HPCAL4: variants seen among roughly 807,000 people sequenced by gnomAD.
HPCAL4 encodes the protein hippocalcin-like protein 4.
Under a neutral mutation model 18.2 loss-of-function variants are expected in HPCAL4, and 16 were observed. That is an observed-to-expected ratio of 0.88 (90% CI 0.59 to 1.33). HPCAL4 has a LOEUF of 1.33. Ranked by LOEUF, HPCAL4 falls within the 40% of genes most tolerant of loss-of-function variation. HPCAL4 has a pLI of 0.00. For missense variants in HPCAL4, 214 were observed against 256.6 expected (o/e 0.83, Z 1.14); for synonymous variants, 80 against 97.5 (o/e 0.82, Z 1.06).
chr1:39,686,975 C>T (rs1646680610), intron 1 of HPCAL4, among the ~76,000 whole-genome samples: 1 of 152,204 alleles, frequency 6.6e-6, no homozygotes, highest in Non-Finnish European at 1.5e-5. Flanking sequence ...CAGTGGGCTT[C>T]TAATTCTTAC....
intron 2 of HPCAL4, 25 bp downstream of exon 2, chr1:39,684,417 C>T (rs1408376805): frequency 1.9e-6 from 3 of 1,577,264 alleles, no homozygotes; most frequent in Non-Finnish European, 1.7e-6. Flanking sequence ...ACTTGGCTCC[C>T]TCACACCAGG....
intron 1 of HPCAL4, among the ~76,000 whole-genome samples, chr1:39,684,841 C>A (rs1209205691): frequency 6.6e-6 from 1 of 152,168 alleles, no homozygotes; most frequent in African/African-American, 2.4e-5. Context: ...CCTCACTGAC[C>A]GTGCAGCACG....
chr1:39,688,386 T>A (rs1318862170), intron 1 of HPCAL4, among the ~76,000 whole-genome samples: 1 of 152,210 alleles, frequency 6.6e-6, no homozygotes, highest in African/African-American at 2.4e-5. Context: ...ACCTTCATTT[T>A]TTCCCTTCCC....
chr1:39,687,550 A>G (rs1646685400), intron 1 of HPCAL4, among the ~76,000 whole-genome samples: 1 of 152,102 alleles, frequency 6.6e-6, no homozygotes, highest in Non-Finnish European at 1.5e-5. Context: ...CTCTCACCTT[A>G]TACCCCTTTT....
At chr1:39,685,908 G>T (rs1328977526) in intron 1 of HPCAL4, among the ~76,000 whole-genome samples, 1 of 146,306 alleles carries the variant, frequency 6.8e-6, no homozygotes, top group African/African-American at 2.5e-5. Flanking sequence ...TTGGCCGGGC[G>T]CAGTGGCTCA....
chr1:39,683,072 C>T (rs780376476), intron 3 of HPCAL4, among the ~76,000 whole-genome samples: 1 of 152,030 alleles, frequency 6.6e-6, no homozygotes, highest in Non-Finnish European at 1.5e-5. Flanking sequence ...TTAGTAGAGA[C>T]GGGGTTTCAC....
chr1:39,682,414 G>A lies in HPCAL4; in HGVS notation c.*122C>T. 7 of 833,242 alleles carry A rather than the reference G, an allele frequency of 8.4e-6. No individual in the cohort carries two copies. Among genetic ancestry groups the A allele is most frequent in the Non-Finnish European group, 1.4e-5 (7 of 514,932 alleles). The allele number at this position is 833,242 out of a possible 1,614,324, so 51.6% of individuals were successfully genotyped here. ...GAGGGGAGGAAGGGCTTGGGCAGAG[G>A]ACTGGGTGGGCCAGAGAGGGGGGCT... On this transcript the variant is annotated 3_prime_UTR_variant, in exon 4 of 4. Transcript: ENST00000372844.
chr1:39,688,823 A>C (rs1479185110), intron 1 of HPCAL4, among the ~76,000 whole-genome samples: 1 of 152,152 alleles, frequency 6.6e-6, no homozygotes, highest in Non-Finnish European at 1.5e-5. Flanking sequence ...CCTGGACTAT[A>C]ATCAGTCTTC....
rs1646627364 is a variant in HPCAL4 at position 39,681,637 on chromosome 1, T to C, written c.*899A>G. 6.6e-6 allele frequency: 1 copy of C among 152,220 alleles called. No individual in the cohort carries two copies. The highest frequency in any genetic ancestry group is 2.1e-4 in the South Asian group (1 of 4,834). The allele number at this position is 152,220 out of a possible 1,614,324, so 9.4% of individuals were successfully genotyped here. On this transcript the variant is annotated 3_prime_UTR_variant, in exon 4 of 4. Coordinates refer to ENST00000372844, the MANE Select transcript of HPCAL4 (RefSeq NM_016257.4). ...TCTCAGGTTTTTTCCCCTTGAAAAT[T>C]AATATTTTCTCTATTCATTTAATCA... is the stretch of plus-strand genomic sequence containing the variant.
chr1:39,685,404 C>G (rs76275658), intron 1 of HPCAL4, among the ~76,000 whole-genome samples: 6,314 of 152,238 alleles, frequency 0.041, 188 homozygotes, highest in Middle Eastern at 0.068. Flanking sequence ...CAGTCTTGAA[C>G]GAGTCACTGG....
intron 3 of HPCAL4, among the ~76,000 whole-genome samples, chr1:39,683,335 G>C (rs554794626): frequency 5.3e-5 from 8 of 152,114 alleles, no homozygotes; most frequent in East Asian, 3.9e-4. Flanking sequence ...TCCCACCACC[G>C]GGCCTCCTGG....
rs1345731474 is a variant in HPCAL4 at position 39,681,567 on chromosome 1, T to C, written c.*969A>G. On this transcript the variant is annotated 3_prime_UTR_variant, in exon 4 of 4. Transcript: ENST00000372844. Reference sequence around the variant, plus strand: ...AGAGTGGCAGCTCAGGACTTAGTCTTAAAAAGTGTTATCTGGTAAATTTCA... The same window carrying C: ...AGAGTGGCAGCTCAGGACTTAGTCTCAAAAAGTGTTATCTGGTAAATTTCA... 1.3e-5 allele frequency: 2 copies of C among 152,230 alleles called. No homozygotes were observed. Among genetic ancestry groups the C allele is most frequent in the African/African-American group, 4.8e-5 (2 of 41,456 alleles). 9.4% of individuals were successfully genotyped at this position (152,230 alleles called of 1,614,324 possible).
Position 39,684,528 on chromosome 1 carries a change from C to G in HPCAL4, c.76G>C (p.Glu26Gln). Reference sequence around the variant, plus strand: ...AAGCCCTTGTACCACTGCTTCAGCTCCTGCTCGCTGAACTCAGTGTTCTGA... The same window carrying G: ...AAGCCCTTGTACCACTGCTTCAGCTGCTGCTCGCTGAACTCAGTGTTCTGA... ...LVQNTEFSEQ[E>Q]LKQWYKGFLK... Residue 26 changes from glutamate (E) to glutamine (Q), a missense_variant, in exon 2 of 4, where the codon GAG becomes CAG. By Grantham distance (29) the Glu-to-Gln change is conservative (BLOSUM62 2). Transcript: ENST00000372844. 6.2e-7 allele frequency: 1 copy of G among 1,613,718 alleles called. No individual in the cohort carries two copies. Among genetic ancestry groups the G allele is most frequent in the Non-Finnish European group, 8.5e-7 (1 of 1,179,800 alleles).
intron 1 of HPCAL4, among the ~76,000 whole-genome samples, chr1:39,687,447 G>T (rs1192509325): frequency 6.6e-6 from 1 of 152,232 alleles, no homozygotes; most frequent in Non-Finnish European, 1.5e-5. Flanking sequence ...AGCATGAGGG[G>T]CTGGGTCTGT....
At chr1:39,683,851 C>G (rs1330577227) in intron 3 of HPCAL4, 86 bp downstream of exon 3, 49 of 1,245,242 alleles carry the variant, frequency 3.9e-5, no homozygotes, top group Non-Finnish European at 5.1e-5. Context: ...GCAGGGAGGC[C>G]CCGAAGCCCG....
rs1646628976 is a variant in HPCAL4, at chr1:39,681,856, C to A, written c.*680G>T. 6.6e-6 allele frequency: 1 copy of A among 152,504 alleles called. No homozygotes were observed. Among genetic ancestry groups the A allele is most frequent in the East Asian group, 1.9e-4 (1 of 5,190 alleles). The allele number at this position is 152,504 out of a possible 1,614,324, so 9.4% of individuals were successfully genotyped here. A position where few individuals can be genotyped will look rare whatever the true frequency, so the allele number is the denominator to read the frequency against. On this transcript the variant is annotated 3_prime_UTR_variant, in exon 4 of 4. Transcript: ENST00000372844. ...TTCTGCAGCTTTGTGTGGAGCTGAG[C>A]TGGAAGATGAAATAGCTCCTCCCAG...
At chr1:39,682,864 A>G (rs990819582) in intron 3 of HPCAL4, 131 bp from the exon 4 acceptor site, 5 of 649,594 alleles carry the variant, frequency 7.7e-6, no homozygotes, top group Non-Finnish European at 1.3e-5. Context: ...TGTGGTCATT[A>G]AGACTGGATA....
Position 39,684,427 on chromosome 1 carries a change from G to A in HPCAL4, c.162+15C>T, listed in dbSNP as rs199694944. On this transcript the variant is annotated intron_variant, in intron 2 of 3. Transcript: ENST00000372844. ...CGGGTACTTGGCTCCCTCACACCAG[G>A]TGCCGGCCGCCCACCTTGATGTAGA... 1.8e-5 allele frequency: 25 copies of A among 1,380,400 alleles called. No homozygotes were observed. Among genetic ancestry groups the A allele is most frequent in the Admixed American group, 2.3e-5 (1 of 43,354 alleles). The allele number at this position is 1,380,400 out of a possible 1,614,324, so 85.5% of individuals were successfully genotyped here. A position where few individuals can be genotyped will look rare whatever the true frequency, so the allele number is the denominator to read the frequency against.
chr1:39,682,411 G>C lies in HPCAL4; in HGVS notation c.*125C>G. The C allele has an allele frequency of 1.2e-6, 1 of 808,416 alleles. No individual in the cohort carries two copies. The highest frequency in any genetic ancestry group is 1.6e-5 in the South Asian group (1 of 61,708). The allele number at this position is 808,416 out of a possible 1,614,324, so 50.1% of individuals were successfully genotyped here. The stretch of plus-strand genomic sequence containing the variant: ...ATGGAGGGGAGGAAGGGCTTGGGCA[G>C]AGGACTGGGTGGGCCAGAGAGGGGG... On this transcript the variant is annotated 3_prime_UTR_variant, in exon 4 of 4. Transcript: ENST00000372844.
Sources: gnomAD v4.1 joint callset for allele counts (sites outside exome capture counted in the v4.1 genomes callset) on GRCh38, gnomAD v4.1.1 for gene constraint, MANE v1.5 for transcripts, NCBI Gene and HGNC (gene_info 2026-07-23, HGNC 2026-07-21) for gene names.